The following PLOD3 variants were observed in gnomAD, a reference collection of about 807,000 sequenced individuals.
PLOD3 encodes the protein multifunctional procollagen lysine hydroxylase and glycosyltransferase LH3.
PLOD3 carries 73 observed loss-of-function variants against 96.9 expected under a neutral mutation model. The ratio of observed to expected loss-of-function variants is 0.75; its 90% confidence interval spans 0.62 to 0.92. The LOEUF (loss-of-function observed/expected upper bound fraction) is 0.92, where lower values mean the gene tolerates loss of function less well. Ranked by LOEUF, PLOD3 falls within the 40% of genes least tolerant of loss-of-function variation. The probability of loss-of-function intolerance (pLI) is 0.00; values close to 1 mark genes in which losing one functional copy is unlikely to be tolerated. For synonymous variants in PLOD3, 454 were observed against 413.7 expected (o/e 1.10, Z -1.18); for missense variants, 1,004 against 1,004.3 (o/e 1.00, Z 0.00).
Position 101,207,638 on chromosome 7 carries a change from C to T in PLOD3, c.1875G>A (p.Gln625=). 1 of 1,614,062 alleles carries T rather than the reference C, an allele frequency of 6.2e-7. No individual in the cohort carries two copies. The highest frequency in any genetic ancestry group is 8.5e-7 in the Non-Finnish European group (1 of 1,179,986). The change falls in exon 17 of 19, where the codon CAG becomes CAA. Residue 625 remains glutamine (Q), a synonymous_variant. Coordinates refer to ENST00000223127, the MANE Select transcript of PLOD3 (RefSeq NM_001084.5). ...TGGGGCCCACATACGTCCGCAGCAG[C>T]TGCAGCCACTGGTCCTCGTACCCCA... ...KQVGYEDQWL[Q]LLRTYVGPMT...
chr7:101,208,984 G>T, intron 15 of PLOD3, 27 bp from the exon 16 acceptor site: 1 of 1,481,904 alleles, frequency 6.7e-7, no homozygotes, highest in Non-Finnish European at 9.4e-7. Context: ...GGAGAACAGG[G>T]CTAGCTGACG....
At position 101,211,887 on chromosome 7, in the gene PLOD3, G is replaced by A. The variant is rs1328179712; in HGVS notation, c.1191C>T (p.Leu397=). 1 of 1,612,914 alleles carries A rather than the reference G, an allele frequency of 6.2e-7. No homozygotes were observed. Among genetic ancestry groups the A allele is most frequent in the South Asian group, 1.1e-5 (1 of 90,816 alleles). ...FYFSLDADAV[L]TNLQTLRILI... The stretch of plus-strand genomic sequence containing the variant: ...GGATACGCAGGGTCTGCAGGTTGGT[G>A]AGGACAGCGTCGGCGTCCAGGCTGA... Residue 397 remains leucine, a synonymous_variant, in exon 11 of 19, where the codon CTC becomes CTT. Coordinates refer to ENST00000223127, the MANE Select transcript of PLOD3 (RefSeq NM_001084.5).
At chr7:101,209,790 C>T (rs1012037078) in intron 15 of PLOD3, 2 of 322,782 alleles carry the variant, frequency 6.2e-6, no homozygotes, top group East Asian at 5.7e-5. Context: ...ATCCACCCAC[C>T]TTGGCCTCCC....
At position 101,216,462 on chromosome 7, in the gene PLOD3, C is replaced by T; in HGVS notation, c.286G>A (p.Glu96Lys). 6.2e-7 allele frequency: 1 copy of T among 1,614,158 alleles called. No homozygotes were observed. The highest frequency in any genetic ancestry group is 1.1e-5 in the South Asian group (1 of 91,088). ...TCCCGGTCAGCGTATTTCTCCATTT[C>T]CTTCTTTAACCACCGGACCTTCTGT... ...GGQKVRWLKK[E>K]MEKYADREDM... Residue 96 changes from glutamate (E) to lysine (K), a missense_variant, in exon 3 of 19, where the codon GAA becomes AAA. By Grantham distance (56) the Glu-to-Lys change is moderately conservative (BLOSUM62 1). This residue lies in a region of PLOD3 where 690 missense variants were observed against 650.2 expected (regional missense o/e 1.06). Transcript: ENST00000223127.
intron 15 of PLOD3, among the ~76,000 whole-genome samples, chr7:101,209,159 G>T (rs1238176214): frequency 6.6e-6 from 1 of 152,070 alleles, no homozygotes; most frequent in African/African-American, 2.4e-5. Flanking sequence ...GGGTCCTGGA[G>T]CCCCTCGTGC....
chr7:101,212,020 C>G, intron 10 of PLOD3, 70 bp from the exon 11 acceptor site: 1 of 1,137,186 alleles, frequency 8.8e-7, no homozygotes, highest in Non-Finnish European at 1.3e-6. Flanking sequence ...CTGGCCCATG[C>G]CCCCAGGAGA....
At position 101,207,566 on chromosome 7, in the gene PLOD3, T is replaced by C. The variant is rs1584250148; in HGVS notation, c.1935+12A>G. Reference sequence around the variant, plus strand: ...GGAAGGTGGGGAGGCAGCTGGCAGGTGGGCAGCGCACCTTGGTGTGGTAAC... The same window carrying C: ...GGAAGGTGGGGAGGCAGCTGGCAGGCGGGCAGCGCACCTTGGTGTGGTAAC... On this transcript the variant is annotated intron_variant, in intron 17 of 18. Coordinates refer to ENST00000223127, the MANE Select transcript of PLOD3 (RefSeq NM_001084.5). The C allele has an allele frequency of 6.2e-7, 1 of 1,611,782 alleles. No individual in the cohort carries two copies. The highest frequency in any genetic ancestry group is 8.5e-7 in the Non-Finnish European group (1 of 1,178,246).
rs1177901981 is a variant in PLOD3, at chr7:101,212,527, C to T, written c.1005+3G>A. On this transcript the variant is annotated splice_donor_region_variant and intron_variant, in intron 9 of 18. Transcript: ENST00000223127. ...AGGAGAGGCTCCAACAGGGGAGTCT[C>T]ACGTTGTTGTGCAGGAAAAGGGTGA... is the stretch of plus-strand genomic sequence containing the variant. The T allele has an allele frequency of 1.9e-6, 3 of 1,613,620 alleles. No homozygotes were observed. Among genetic ancestry groups the T allele is most frequent in the East Asian group, 4.5e-5 (2 of 44,830 alleles).
At position 101,210,378 on chromosome 7, in the gene PLOD3, T is replaced by C; in HGVS notation, c.1567A>G (p.Thr523Ala). The change falls in exon 14 of 19, where the codon ACG (threonine) becomes GCG (alanine). Residue 523 changes from threonine to alanine, a missense_variant. This residue lies in a region of PLOD3 where 65 missense variants were observed against 68.8 expected (regional missense o/e 0.94). Transcript: ENST00000223127. Reference protein sequence around the residue: ...GRLLATSRYDTEHLHPDLWQI... With the variant: ...GRLLATSRYDAEHLHPDLWQI... ...CAGAGGTCGGGGTGCAGGTGCTCCGTGTCGTATCTGGAAGTGGCCAGGAGC... is the reference window on the plus strand; with the variant it reads ...CAGAGGTCGGGGTGCAGGTGCTCCGCGTCGTATCTGGAAGTGGCCAGGAGC... 6.2e-7 allele frequency: 1 copy of C among 1,614,116 alleles called. No individual in the cohort carries two copies. The highest frequency in any genetic ancestry group is 1.3e-5 in the African/African-American group (1 of 75,026).
chr7:101,212,751 C>T (rs1004257773), intron 8 of PLOD3, 91 bp downstream of exon 8: 23 of 1,582,972 alleles, frequency 1.5e-5, no homozygotes, highest in East Asian at 2.3e-5. Context: ...GACCCAGGAG[C>T]GATGCCCCCA....
intron 18 of PLOD3, 151 bp from the exon 19 acceptor site, chr7:101,206,587 T>G: frequency 1.0e-6 from 1 of 992,826 alleles, no homozygotes; most frequent in Non-Finnish European, 1.5e-6. Context: ...CACCGGAGGC[T>G]GGGGTGCCTG....
At chr7:101,207,747 C>T (rs1160779097) in intron 16 of PLOD3, 23 bp from the exon 17 acceptor site, 1 of 1,612,022 alleles carries the variant, frequency 6.2e-7, no homozygotes, top group African/African-American at 1.3e-5. Context: ...GGCACTGAGC[C>T]ACCCGCCCCT....
chr7:101,206,630 G>A (rs568195878), intron 18 of PLOD3, 149 bp downstream of exon 18: 16 of 1,056,876 alleles, frequency 1.5e-5, no homozygotes, highest in Middle Eastern at 5.8e-4. Context: ...AGCAGAGGCC[G>A]CCTGCCCAGA....
chr7:101,206,810 A>G lies in PLOD3; in HGVS notation c.2030T>C (p.Val677Ala). Residue 677 changes from valine (V) to alanine (A), a missense_variant, in exon 18 of 19, where the codon GTT becomes GCT. Transcript: ENST00000223127. ...GTCCAGGCCCTTGTGGTTGAGGGCA[A>G]CGTTGAGGGTGAAGGTGGATGAGTC... Reference protein sequence around the residue: ...HHDSSTFTLNVALNHKGLDYE... With the variant: ...HHDSSTFTLNAALNHKGLDYE... 3 of 1,582,214 alleles carry G rather than the reference A, an allele frequency of 1.9e-6. No homozygotes were observed. The highest frequency in any genetic ancestry group is 2.6e-6 in the Non-Finnish European group (3 of 1,163,814).
At chr7:101,207,027 C>T in intron 17 of PLOD3, 123 bp from the exon 18 acceptor site, 9 of 1,195,232 alleles carry the variant, frequency 7.5e-6, no homozygotes, top group South Asian at 3.0e-5. Context: ...TGCAGTGGTG[C>T]GATCTTGGCT....
At position 101,206,187 on chromosome 7, in the gene PLOD3, G is replaced by A; in HGVS notation, c.*94C>T. On this transcript the variant is annotated 3_prime_UTR_variant, in exon 19 of 19. Transcript: ENST00000223127. Reference sequence around the variant, plus strand: ...GCGGAACATGAACTCAGGAAGTGGGGAGACAGAGAGACCCATCCCCCAACT... The same window carrying A: ...GCGGAACATGAACTCAGGAAGTGGGAAGACAGAGAGACCCATCCCCCAACT... 3 of 1,225,716 alleles carry A rather than the reference G, an allele frequency of 2.4e-6. No homozygotes were observed. The highest frequency in any genetic ancestry group is 3.6e-6 in the Non-Finnish European group (3 of 826,770). The allele number at this position is 1,225,716 out of a possible 1,614,324, so 75.9% of individuals were successfully genotyped here.
At position 101,213,101 on chromosome 7, in the gene PLOD3, T is replaced by A; in HGVS notation, c.777+6A>T. The A allele has an allele frequency of 6.3e-7, 1 of 1,597,892 alleles. No homozygotes were observed. On this transcript the variant is annotated splice_donor_region_variant and intron_variant, in intron 7 of 18. Transcript: ENST00000223127. The stretch of plus-strand genomic sequence containing the variant: ...GCGGGGCGGGGGTTGAGACCACTGG[T>A]GGCACCTTAGTGGGACCGTTTCCAT...
Position 101,210,539 on chromosome 7 carries a change from C to T in PLOD3, c.1493G>A (p.Arg498Gln), listed in dbSNP as rs777238858. Residue 498 changes from arginine (R) to glutamine (Q), a missense_variant, in exon 13 of 19, where the codon CGA (arginine) becomes CAA (glutamine). Arg to Gln is a conservative substitution (Grantham distance 43). Around this residue, in one of 5 missense-constraint regions of PLOD3, gnomAD observed 23 missense variants for 45.7 expected, o/e 0.50. Coordinates refer to ENST00000223127, the MANE Select transcript of PLOD3 (RefSeq NM_001084.5). ...DPDMAFCKSF[R>Q]DKGIFLHLSN... Reference sequence around the variant, plus strand: ...CCGTGCACCCGCGCTCACCTTGTCTCGAAAGCTCTTACAGAAGGCCATGTC... The same window carrying T: ...CCGTGCACCCGCGCTCACCTTGTCTTGAAAGCTCTTACAGAAGGCCATGTC... The T allele has an allele frequency of 2.2e-5, 36 of 1,614,114 alleles. No individual in the cohort carries two copies. Among genetic ancestry groups the T allele is most frequent in the Admixed American group, 1.3e-4 (8 of 60,012 alleles).
chr7:101,210,583 C>T lies in PLOD3; in HGVS notation c.1449G>A (p.Ser483=), dbSNP rs138134318. The change falls in exon 13 of 19, where the codon TCG becomes TCA. Residue 483 remains serine, a synonymous_variant. Transcript: ENST00000223127. The part of the protein sequence containing the change: ...RMELPQRDVF[S]GSDTDPDMAF... ...CCATGTCCGGGTCTGTGTCACTGCC[C>T]GAGAACACATCCCTCTGGGGCAGCT... The T allele has an allele frequency of 3.0e-5, 49 of 1,614,062 alleles. No individual in the cohort carries two copies. The highest frequency in any genetic ancestry group is 5.3e-5 in the African/African-American group (4 of 74,924).
Sources: allele counts gnomAD v4.1 joint callset (sites outside exome capture counted in the v4.1 genomes callset), GRCh38; gene constraint gnomAD v4.1.1; regional missense constraint gnomAD v4.1.1; transcripts MANE v1.5; gene names NCBI Gene and HGNC (gene_info 2026-07-23, HGNC 2026-07-21).